Variants in DNAH14 observed in about 807,000 individuals in gnomAD.
The protein encoded by DNAH14 is dynein axonemal heavy chain 14, also known as axonemal beta dynein heavy chain 14.
Under a neutral mutation model 520.9 loss-of-function variants are expected in DNAH14, and 478 were observed. The ratio of observed to expected loss-of-function variants is 0.92; its 90% CI spans 0.85 to 0.99. DNAH14 has a LOEUF of 0.99. Among genes scored for constraint, DNAH14 ranks in the 50% least tolerant of loss-of-function variants. The pLI is 0.00. For missense variants in DNAH14, 4,831 were observed against 5,234.5 expected, an observed-to-expected ratio of 0.92 and a Z score of 2.38; for synonymous variants, 1,581 against 1,757.2, an observed-to-expected ratio of 0.90 and a Z score of 2.51.
chr1:225,119,249 A>G lies in DNAH14; in HGVS notation c.4121A>G (p.Gln1374Arg). 2 of 1,528,436 alleles carry G rather than the reference A, an allele frequency of 1.3e-6. No individual in the cohort carries two copies. Among genetic ancestry groups the G allele is most frequent in the Non-Finnish European group, 1.8e-6 (2 of 1,136,268 alleles). The allele number at this position is 1,528,436 out of a possible 1,614,324, so 94.7% of individuals were successfully genotyped here. A position where few individuals can be genotyped will look rare whatever the true frequency, so the allele number is the denominator to read the frequency against. The change falls in exon 26 of 86, where the codon CAG becomes CGG. Residue 1374 changes from glutamine (Q) to arginine (R), a missense_variant. By Grantham distance (43) the Gln-to-Arg change is conservative. Coordinates refer to ENST00000682510, the MANE Select transcript of DNAH14 (RefSeq NM_001367479.1). ...ATTCGTGTAAGAAGTGCTGTAGAAC[A>G]GTGGCTGGTAAATGTAGAAAAAAGC... The part of the protein sequence containing the change: ...KKIRVRSAVE[Q>R]WLVNVEKSMF...
At chr1:225,060,341 T>A (rs2069856922) in intron 17 of DNAH14, among the ~76,000 whole-genome samples, 1 of 152,248 alleles carries the variant, frequency 6.6e-6, no homozygotes, top group African/African-American at 2.4e-5. Flanking sequence ...CACATAGTTC[T>A]CATGCCTTGG....
At chr1:225,318,013 C>T (rs975227522) in intron 60 of DNAH14, among the ~76,000 whole-genome samples, 1 of 152,112 alleles carries the variant, frequency 6.6e-6, no homozygotes, top group Non-Finnish European at 1.5e-5. Flanking sequence ...ATATAATTCC[C>T]AAGTCAACTT....
At chr1:225,114,179 A>G (rs1374027399) in intron 23 of DNAH14, among the ~76,000 whole-genome samples, 1 of 152,158 alleles carries the variant, frequency 6.6e-6, no homozygotes, top group Non-Finnish European at 1.5e-5. Flanking sequence ...TTCGGGGCCC[A>G]AGGGCTGTTT....
intron 69 of DNAH14, among the ~76,000 whole-genome samples, chr1:225,342,713 CA>C: frequency 7.5e-6 from 1 of 132,824 alleles, no homozygotes; most frequent in Non-Finnish European, 1.5e-5. Flanking sequence ...CACACACACA[CA>C]CACACATTCT....
At chr1:225,055,494 G>C (rs183873551) in intron 17 of DNAH14, among the ~76,000 whole-genome samples, 2 of 151,892 alleles carry the variant, frequency 1.3e-5, no homozygotes, top group Non-Finnish European at 2.9e-5. Flanking sequence ...GGGACTACAG[G>C]CATGTACAAC....
rs1317887652 is a variant in DNAH14, at chr1:225,250,535, C to T, written c.6749-1766C>T. On this transcript the variant is annotated intron_variant, in intron 43 of 85. Coordinates refer to ENST00000682510, the MANE Select transcript of DNAH14 (RefSeq NM_001367479.1). ...TGGCGTGCTGTTTTAACCATATTCC[C>T]TTGGGTGAGGTATGGTGAGGCCAGA... 3.3e-5 allele frequency: 14 copies of T among 425,174 alleles called. No individual in the cohort carries two copies. The East Asian group carries it at 5.0e-4, about 15-fold the overall frequency. 26.3% of individuals were successfully genotyped at this position (425,174 alleles called of 1,614,324 possible).
At chr1:225,233,218 T>G (rs981810810) in intron 42 of DNAH14, among the ~76,000 whole-genome samples, 1 of 152,188 alleles carries the variant, frequency 6.6e-6, no homozygotes, top group African/African-American at 2.4e-5. Context: ...TGATGGGCAT[T>G]TAGGTTGATT....
At chr1:225,145,460 G>GAA in intron 30 of DNAH14, 81 bp downstream of exon 30, 1 of 1,164,600 alleles carries the variant, frequency 8.6e-7, no homozygotes, top group Non-Finnish European at 1.2e-6. Flanking sequence ...AAAAGAACAA[G>GAA]AAAAATATTT....
At position 225,259,184 on chromosome 1, in the gene DNAH14, G is replaced by T. The variant is rs187694467; in HGVS notation, c.7088G>T (p.Gly2363Val). The change falls in exon 46 of 86, where the codon GGA becomes GTA. Residue 2363 changes from glycine to valine, a missense_variant. By Grantham distance (109) the Gly-to-Val change is moderately radical. Coordinates refer to ENST00000682510, the MANE Select transcript of DNAH14 (RefSeq NM_001367479.1). ...NQMLEKLEGP[G>V]AFDIKHGSIL... ...ATGCTTGAAAAGCTAGAGGGTCCAG[G>T]AGCATTTGACATAAAACATGGTTCA... 40 of 1,545,876 alleles carry T rather than the reference G, an allele frequency of 2.6e-5. No individual in the cohort carries two copies. In the African/African-American group the frequency reaches 4.8e-4, roughly 19 times the overall value.
intron 77 of DNAH14, among the ~76,000 whole-genome samples, chr1:225,368,897 C>A (rs1209813555): frequency 3.3e-5 from 5 of 152,094 alleles, no homozygotes; most frequent in Non-Finnish European, 7.4e-5. Context: ...AGGAACATAA[C>A]ATAAAACACT....
At chr1:225,079,909 G>A (rs959057346) in intron 18 of DNAH14, among the ~76,000 whole-genome samples, 2 of 151,852 alleles carry the variant, frequency 1.3e-5, no homozygotes, top group Admixed American at 6.6e-5. Flanking sequence ...TCCTGACCTC[G>A]TGATCCACTC....
chr1:224,968,624 T>C, intron 6 of DNAH14, 135 bp from the exon 7 acceptor site: 1 of 559,388 alleles, frequency 1.8e-6, no homozygotes, highest in East Asian at 3.5e-5. Context: ...TGAGGATTCA[T>C]ACATAGAAAA....
chr1:225,289,450 A>G (rs1176375179), intron 54 of DNAH14, among the ~76,000 whole-genome samples: 1 of 152,186 alleles, frequency 6.6e-6, no homozygotes, highest in Non-Finnish European at 1.5e-5. Flanking sequence ...CACCTAAATA[A>G]AGCTGTTTTT....
intron 1 of DNAH14, among the ~76,000 whole-genome samples, chr1:224,941,445 A>G (rs1160843890): frequency 6.6e-6 from 1 of 152,150 alleles, no homozygotes; most frequent in East Asian, 1.9e-4. Flanking sequence ...GTAGATTGCA[A>G]AAATTTTCTC....
intron 13 of DNAH14, among the ~76,000 whole-genome samples, chr1:225,043,366 C>T (rs2067657386): frequency 6.7e-6 from 1 of 150,330 alleles, no homozygotes; most frequent in African/African-American, 2.4e-5. Context: ...TCTGTTGTGT[C>T]TTCTAATTTA....
At chr1:225,010,489 C>T (rs1019750358) in intron 10 of DNAH14, among the ~76,000 whole-genome samples, 3 of 151,968 alleles carry the variant, frequency 2.0e-5, no homozygotes, top group Non-Finnish European at 2.9e-5. Flanking sequence ...CTGCTGGATT[C>T]GGTTTGCCAA....
intron 55 of DNAH14, among the ~76,000 whole-genome samples, chr1:225,300,363 T>C (rs2094115201): frequency 6.6e-6 from 1 of 152,170 alleles, no homozygotes. Flanking sequence ...TTTAAATGAA[T>C]GAATGGATGA....
chr1:225,113,012 G>A (rs1280359226), intron 23 of DNAH14, among the ~76,000 whole-genome samples: 4 of 152,034 alleles, frequency 2.6e-5, no homozygotes, highest in African/African-American at 4.8e-5. Context: ...ATTTGGTAAG[G>A]TTTTGTTTTC....
chr1:225,270,241 A>C (rs950283583), intron 49 of DNAH14, among the ~76,000 whole-genome samples: 2 of 141,286 alleles, frequency 1.4e-5, no homozygotes, highest in Non-Finnish European at 1.5e-5. Flanking sequence ...CAAACACCGC[A>C]TGTTCTCACT....
Sources: gnomAD v4.1 joint callset for allele counts (sites outside exome capture counted in the v4.1 genomes callset) on GRCh38, gnomAD v4.1.1 for gene constraint, MANE v1.5 for transcripts, NCBI Gene and HGNC (gene_info 2026-07-23, HGNC 2026-07-21) for gene names.